Variants in SLC41A3 observed in about 807,000 individuals in gnomAD.
SLC41A3 encodes the protein SLC41A1-like 2.
In SLC41A3, 44 loss-of-function variants were observed where a neutral mutation model predicts 45.4. The ratio of observed to expected loss-of-function variants is 0.97; its 90% CI spans 0.76 to 1.25. SLC41A3 has a LOEUF of 1.25. Among genes scored for constraint, SLC41A3 ranks in the 50% most tolerant of loss-of-function variants. SLC41A3 has a pLI of 0.00. For missense variants in SLC41A3, 550 were observed against 600.6 expected, an observed-to-expected ratio of 0.92 and a Z score of 0.88; for synonymous variants, 256 against 252.4, an observed-to-expected ratio of 1.01 and a Z score of -0.13.
At chr3:126,060,090 A>C (rs1040647482) in intron 2 of SLC41A3, among the ~76,000 whole-genome samples, 58 of 152,216 alleles carry the variant, frequency 3.8e-4, no homozygotes, top group African/African-American at 1.4e-3. Context: ...AGTAGTTACA[A>C]ATCATTACAA....
chr3:126,033,777 A>C, intron 3 of SLC41A3, 99 bp from the exon 4 acceptor site: 1 of 1,237,282 alleles, frequency 8.1e-7, no homozygotes, highest in Non-Finnish European at 1.1e-6. Flanking sequence ...AAATCAACAA[A>C]TACCATTTCA....
intron 4 of SLC41A3, among the ~76,000 whole-genome samples, chr3:126,030,233 T>C (rs1941696426): frequency 6.9e-6 from 1 of 145,006 alleles, no homozygotes. Context: ...CAATATATAT[T>C]AAGTTATATA....
chr3:126,074,084 CAT>C (rs760112936), intron 1 of SLC41A3, among the ~76,000 whole-genome samples: 1 of 151,918 alleles, frequency 6.6e-6, no homozygotes, highest in Non-Finnish European at 1.5e-5. Context: ...GGGGAGAAAA[CAT>C]AGCTCAACAG....
At chr3:126,040,084 A>C (rs1387595047) in intron 3 of SLC41A3, among the ~76,000 whole-genome samples, 1 of 152,236 alleles carries the variant, frequency 6.6e-6, no homozygotes, top group Non-Finnish European at 1.5e-5. Context: ...GGGAGTGCCC[A>C]AGAGCGGGTG....
At chr3:126,099,507 T>A (rs186615330) in intron 1 of SLC41A3, among the ~76,000 whole-genome samples, 60 of 151,798 alleles carry the variant, frequency 4.0e-4, no homozygotes, top group Middle Eastern at 3.4e-3. Context: ...AGGTCAGGAG[T>A]TTGAGACCAG....
chr3:126,053,788 G>C (rs1224814397), intron 2 of SLC41A3, among the ~76,000 whole-genome samples: 2 of 151,884 alleles, frequency 1.3e-5, no homozygotes, highest in Non-Finnish European at 2.9e-5. Flanking sequence ...GCTGAACTTT[G>C]GACACCCCAC....
upstream of SLC41A3, among the ~76,000 whole-genome samples, chr3:126,087,259 A>T (rs1431197432): frequency 2.0e-5 from 3 of 152,160 alleles, no homozygotes; most frequent in Non-Finnish European, 4.4e-5. Flanking sequence ...TCATAAGTTC[A>T]TTATTGAAGT....
At chr3:126,034,549 G>C (rs1248134244) in intron 3 of SLC41A3, among the ~76,000 whole-genome samples, 1 of 152,236 alleles carries the variant, frequency 6.6e-6, no homozygotes, top group East Asian at 1.9e-4. Flanking sequence ...ACCTGACTGT[G>C]GTTAGGCCTC....
At chr3:126,055,213 G>A (rs1943578937) in intron 2 of SLC41A3, among the ~76,000 whole-genome samples, 1 of 152,268 alleles carries the variant, frequency 6.6e-6, no homozygotes, top group East Asian at 1.9e-4. Flanking sequence ...TATATTTACA[G>A]ATTAAAAAGC....
rs368782101 is a variant in SLC41A3 at position 126,022,766 on chromosome 3, T to C, written c.745+20A>G. ...CCCCTCCACGGAGCCTTTGTGTCTATAGAAGAAGACACTCTTTACCTTTGT... is the reference window on the plus strand; with the variant it reads ...CCCCTCCACGGAGCCTTTGTGTCTACAGAAGAAGACACTCTTTACCTTTGT... On this transcript the variant is annotated intron_variant, in intron 6 of 10. Coordinates refer to ENST00000360370, the MANE Select transcript of SLC41A3 (RefSeq NM_017836.4). 14 of 1,613,900 alleles carry C rather than the reference T, an allele frequency of 8.7e-6. No homozygotes were observed. The highest frequency in any genetic ancestry group is 1.3e-5 in the African/African-American group (1 of 75,002).
intron 6 of SLC41A3, among the ~76,000 whole-genome samples, chr3:126,018,909 T>C (rs1463013349): frequency 1.3e-5 from 2 of 152,250 alleles, no homozygotes; most frequent in Non-Finnish European, 2.9e-5. Flanking sequence ...AACCTCAGGC[T>C]TTCCCTCTGT....
At chr3:126,096,342 T>A (rs1375911909) in intron 1 of SLC41A3, among the ~76,000 whole-genome samples, 1 of 152,122 alleles carries the variant, frequency 6.6e-6, no homozygotes, top group Non-Finnish European at 1.5e-5. Context: ...TTTGCTTTTA[T>A]CAATTTGCAA....
At chr3:126,020,278 T>C (rs1350050236) in intron 6 of SLC41A3, among the ~76,000 whole-genome samples, 3 of 152,028 alleles carry the variant, frequency 2.0e-5, no homozygotes, top group Non-Finnish European at 1.5e-5. Context: ...AACGATTCCG[T>C]CTTTCTAGGC....
chr3:126,032,526 CA>C, intron 4 of SLC41A3, among the ~76,000 whole-genome samples: 1 of 152,226 alleles, frequency 6.6e-6, no homozygotes, highest in Non-Finnish European at 1.5e-5. Context: ...GACAACTTCA[CA>C]ACAACCCTGC....
chr3:126,062,189 G>A (rs771050380), intron 2 of SLC41A3, among the ~76,000 whole-genome samples: 7 of 152,198 alleles, frequency 4.6e-5, no homozygotes, highest in Non-Finnish European at 7.3e-5. Context: ...ACAAAAGGGT[G>A]CCTCCTGGTG....
intron 1 of SLC41A3, 45 bp from the exon 2 acceptor site, chr3:126,068,291 C>A: frequency 6.9e-7 from 1 of 1,458,426 alleles, no homozygotes; most frequent in Non-Finnish European, 9.0e-7. Flanking sequence ...TCCTGATTCC[C>A]ATGGCGCTAA....
chr3:126,059,462 G>C (rs979313500), intron 2 of SLC41A3, among the ~76,000 whole-genome samples: 35 of 152,024 alleles, frequency 2.3e-4, no homozygotes, highest in Non-Finnish European at 4.7e-4. Context: ...GTGCCCATTT[G>C]TTCCCTTGTG....
intron 10 of SLC41A3, among the ~76,000 whole-genome samples, chr3:126,008,164 C>T (rs1013207539): frequency 1.7e-4 from 26 of 152,242 alleles, no homozygotes; most frequent in African/African-American, 6.3e-4. Context: ...GAATGTGCTG[C>T]GCGCAGTGTG....
At chr3:126,078,431 C>T (rs1412119168) in intron 1 of SLC41A3, among the ~76,000 whole-genome samples, 2 of 152,090 alleles carry the variant, frequency 1.3e-5, no homozygotes, top group South Asian at 2.1e-4. Context: ...GGGAGGAACC[C>T]GTACCACACA....
Sources: allele counts gnomAD v4.1 joint callset (sites outside exome capture counted in the v4.1 genomes callset), GRCh38; gene constraint gnomAD v4.1.1; transcripts MANE v1.5; gene names NCBI Gene and HGNC (gene_info 2026-07-23, HGNC 2026-07-21).